Variants in ADAMTSL3 observed in about 807,000 individuals in gnomAD.
ADAMTSL3 encodes the protein ADAMTS-like protein 3.
In ADAMTSL3, 128 loss-of-function variants were observed where a neutral mutation model predicts 201.7. That is an observed-to-expected ratio of 0.63 (90% CI 0.55 to 0.73). ADAMTSL3 has a LOEUF of 0.73. ADAMTSL3 is among the 30% of genes least tolerant of loss of function. The probability of loss-of-function intolerance (pLI) is 0.00; values close to 1 mark genes in which losing one functional copy is unlikely to be tolerated. For missense variants in ADAMTSL3, 1,990 were observed against 2,119.6 expected (o/e 0.94, Z 1.20); for synonymous variants, 738 against 748.4 (o/e 0.99, Z 0.23).
At chr15:83,770,421 G>A (rs1298788201) in intron 3 of ADAMTSL3, among the ~76,000 whole-genome samples, 3 of 152,030 alleles carry the variant, frequency 2.0e-5, no homozygotes, top group Non-Finnish European at 4.4e-5. Context: ...GAGCTAATTT[G>A]GTATGTTTCC....
chr15:83,698,664 A>G (rs1170397349), intron 2 of ADAMTSL3, among the ~76,000 whole-genome samples: 1 of 152,178 alleles, frequency 6.6e-6, no homozygotes, highest in African/African-American at 2.4e-5. Flanking sequence ...GTCAACTTCC[A>G]TCTGGCTGGA....
At chr15:83,724,391 C>T (rs2062143510) in intron 3 of ADAMTSL3, among the ~76,000 whole-genome samples, 1 of 152,038 alleles carries the variant, frequency 6.6e-6, no homozygotes, top group Admixed American at 6.6e-5. Flanking sequence ...AGCCACCGCA[C>T]CTGGCCTATT....
chr15:83,907,098 A>T (rs1248840119), intron 15 of ADAMTSL3, among the ~76,000 whole-genome samples: 2 of 32,518 alleles, frequency 6.2e-5, no homozygotes, highest in Admixed American at 3.2e-4. Flanking sequence ...TGTCTCTGGG[A>T]AAAAAAAAAA....
chr15:83,961,151 A>T (rs1444101067), intron 19 of ADAMTSL3, among the ~76,000 whole-genome samples: 1 of 152,220 alleles, frequency 6.6e-6, no homozygotes, highest in Non-Finnish European at 1.5e-5. Context: ...TTTAAATGGC[A>T]GATACAAAAA....
intron 9 of ADAMTSL3, among the ~76,000 whole-genome samples, chr15:83,874,976 T>C (rs2065152044): frequency 6.9e-6 from 1 of 145,224 alleles, no homozygotes; most frequent in Non-Finnish European, 1.5e-5. Context: ...AGTAGACCTT[T>C]TACCACCTCT....
chr15:83,975,472 C>T (rs555294156), intron 20 of ADAMTSL3, among the ~76,000 whole-genome samples: 1 of 152,318 alleles, frequency 6.6e-6, no homozygotes, highest in South Asian at 2.1e-4. Flanking sequence ...CAGGCAGAGG[C>T]CTACCTCACC....
intron 3 of ADAMTSL3, among the ~76,000 whole-genome samples, chr15:83,758,468 G>A (rs1205897807): frequency 1.3e-5 from 2 of 152,180 alleles, no homozygotes; most frequent in Non-Finnish European, 2.9e-5. Flanking sequence ...CACAACACAT[G>A]GGAATTATGG....
chr15:84,030,549 T>A (rs976818908), intron 27 of ADAMTSL3, among the ~76,000 whole-genome samples: 6 of 152,130 alleles, frequency 3.9e-5, no homozygotes, highest in African/African-American at 1.4e-4. Context: ...ATCTAGGAAG[T>A]AACTAACTTA....
intron 20 of ADAMTSL3, among the ~76,000 whole-genome samples, chr15:83,981,074 C>T (rs1596493323): frequency 1.3e-5 from 2 of 152,194 alleles, no homozygotes; most frequent in Admixed American, 1.3e-4. Context: ...ATCTCTTCTG[C>T]CACTCACTAG....
At chr15:83,990,984 T>C in intron 22 of ADAMTSL3, 102 bp from the exon 23 acceptor site, 1 of 1,535,802 alleles carries the variant, frequency 6.5e-7, no homozygotes, top group South Asian at 1.2e-5. Flanking sequence ...AGGACTCCAC[T>C]CCTGCCCTCA....
intron 4 of ADAMTSL3, among the ~76,000 whole-genome samples, chr15:83,803,401 A>T (rs1465498041): frequency 6.6e-6 from 1 of 152,178 alleles, no homozygotes; most frequent in African/African-American, 2.4e-5. Flanking sequence ...AATTATTTTT[A>T]TTCCCATAGA....
Position 83,674,660 on chromosome 15 carries a change from T to C in ADAMTSL3, c.69+18830T>C, listed in dbSNP as rs1239514809. On this transcript the variant is annotated intron_variant, in intron 2 of 29. Transcript: ENST00000286744. ...ATATACACACATATACATATACACATATATACATATATACACACATATATA... is the reference window on the plus strand; with the variant it reads ...ATATACACACATATACATATACACACATATACATATATACACACATATATA... Among the ~76,000 whole-genome samples, 5 of 149,106 alleles carry C rather than the reference T, an allele frequency of 3.4e-5. No homozygotes were observed. In the South Asian group the frequency reaches 1.0e-3, roughly 31 times the overall value.
intron 14 of ADAMTSL3, among the ~76,000 whole-genome samples, chr15:83,898,434 A>T (rs1321403064): frequency 1.3e-5 from 2 of 152,194 alleles, no homozygotes; most frequent in Admixed American, 6.5e-5. Flanking sequence ...CAAGATTCTC[A>T]TTCTTCTTTA....
At chr15:83,674,431 G>A (rs1160492420) in intron 2 of ADAMTSL3, among the ~76,000 whole-genome samples, 1 of 151,666 alleles carries the variant, frequency 6.6e-6, no homozygotes, top group Non-Finnish European at 1.5e-5. Flanking sequence ...GAGGGTATTT[G>A]TTTGGGTCTA....
At chr15:83,723,978 G>T (rs186245737) in intron 3 of ADAMTSL3, among the ~76,000 whole-genome samples, 1 of 152,018 alleles carries the variant, frequency 6.6e-6, no homozygotes, top group Non-Finnish European at 1.5e-5. Flanking sequence ...ACAAAGAAAG[G>T]ATTGGGGGAA....
At chr15:83,825,561 C>T (rs1248462460) in intron 6 of ADAMTSL3, among the ~76,000 whole-genome samples, 3 of 152,070 alleles carry the variant, frequency 2.0e-5, no homozygotes, top group Non-Finnish European at 4.4e-5. Context: ...CGAGGCTGCA[C>T]TGAACTATGA....
chr15:83,718,685 C>T (rs1398633899), intron 3 of ADAMTSL3, among the ~76,000 whole-genome samples: 2 of 137,052 alleles, frequency 1.5e-5, no homozygotes, highest in African/African-American at 2.6e-5. Flanking sequence ...AGTGAGACTC[C>T]GTCTCAAAAA....
At chr15:83,864,031 T>G (rs978535317) in intron 8 of ADAMTSL3, among the ~76,000 whole-genome samples, 6 of 152,326 alleles carry the variant, frequency 3.9e-5, no homozygotes, top group African/African-American at 1.4e-4. Context: ...GATAAATTCC[T>G]TGATATATAC....
intron 10 of ADAMTSL3, among the ~76,000 whole-genome samples, chr15:83,888,110 A>G (rs1356153149): frequency 1.3e-5 from 2 of 152,224 alleles, no homozygotes; most frequent in Admixed American, 6.5e-5. Flanking sequence ...TGCTGGAACT[A>G]TAAATGTGCA....
Sources: allele counts gnomAD v4.1 joint callset (sites outside exome capture counted in the v4.1 genomes callset), GRCh38; gene constraint gnomAD v4.1.1; transcripts MANE v1.5; gene names NCBI Gene and HGNC (gene_info 2026-07-23, HGNC 2026-07-21).